Variants in PHKB observed in about 807,000 individuals in gnomAD.
PHKB encodes phosphorylase b kinase regulatory subunit beta.
PHKB carries 122 observed loss-of-function variants against 152.1 expected under a neutral mutation model. That is an observed-to-expected ratio of 0.80 (90% CI 0.69 to 0.93). PHKB has a LOEUF of 0.93. Ranked by LOEUF, PHKB falls within the 40% of genes least tolerant of loss-of-function variation. The pLI, the probability that PHKB is intolerant of heterozygous loss-of-function variation, is 0.00. For missense variants in PHKB, 1,304 were observed against 1,328.4 expected (o/e 0.98, Z 0.29); for synonymous variants, 436 against 464.9 (o/e 0.94, Z 0.80).
intron 8 of PHKB, among the ~76,000 whole-genome samples, chr16:47,587,276 A>G (rs892789335): frequency 6.6e-6 from 1 of 152,158 alleles, no homozygotes; most frequent in African/African-American, 2.4e-5. Flanking sequence ...GTTTAGTTTG[A>G]TCATATAGTC....
intron 3 of PHKB, among the ~76,000 whole-genome samples, chr16:47,501,937 T>C (rs970457232): frequency 3.3e-5 from 5 of 152,150 alleles, no homozygotes; most frequent in Admixed American, 1.3e-4. Flanking sequence ...AAGTACTGTA[T>C]AGAGCAAATT....
At chr16:47,554,246 C>T (rs1971325793) in intron 7 of PHKB, among the ~76,000 whole-genome samples, 2 of 152,174 alleles carry the variant, frequency 1.3e-5, no homozygotes, top group African/African-American at 2.4e-5. Flanking sequence ...GGCAGTCTGG[C>T]TACAGCAGCT....
At chr16:47,478,997 T>G (rs868038904) in intron 1 of PHKB, among the ~76,000 whole-genome samples, 2 of 152,342 alleles carry the variant, frequency 1.3e-5, no homozygotes, top group African/African-American at 4.8e-5. Flanking sequence ...GGTTTTATGC[T>G]TAACAAGCTC....
At chr16:47,581,368 C>G (rs1158629616) in intron 8 of PHKB, among the ~76,000 whole-genome samples, 1 of 152,190 alleles carries the variant, frequency 6.6e-6, no homozygotes, top group Non-Finnish European at 1.5e-5. Context: ...CACTCTGGAT[C>G]ACCCATTTTC....
intron 1 of PHKB, among the ~76,000 whole-genome samples, chr16:47,469,644 C>T (rs1003779458): frequency 6.6e-6 from 1 of 152,090 alleles, no homozygotes; most frequent in Non-Finnish European, 1.5e-5. Context: ...GAAAAACTAA[C>T]TGTTGGGTTC....
At chr16:47,508,504 T>C (rs894930364) in intron 4 of PHKB, among the ~76,000 whole-genome samples, 36 of 152,278 alleles carry the variant, frequency 2.4e-4, no homozygotes, top group African/African-American at 8.7e-4. Flanking sequence ...TAAAATTTAT[T>C]TTTCCAGGAT....
chr16:47,641,830 T>C (rs922976317), intron 16 of PHKB, 138 bp downstream of exon 16: 12 of 678,588 alleles, frequency 1.8e-5, no homozygotes, highest in African/African-American at 9.0e-5. Flanking sequence ...TCTAATTAAA[T>C]TGAGAAGTCC....
chr16:47,518,576 G>A lies in PHKB; in HGVS notation c.594+2975G>A, dbSNP rs146860626. 1.2e-3 allele frequency among the ~76,000 whole-genome samples: 186 copies of A among 152,162 alleles called. 3 individuals carry two copies. Among genetic ancestry groups the A allele is most frequent in the Middle Eastern group, 6.8e-3 (2 of 294 alleles). ...GTATGCTAATTTTCTAACATCTTTC[G>A]TTGCCTACACAGGCGTACCATGTTT... is the stretch of plus-strand genomic sequence containing the variant. On this transcript the variant is annotated intron_variant, in intron 6 of 30. Coordinates refer to ENST00000323584, the MANE Select transcript of PHKB (RefSeq NM_000293.3).
rs534552163 is a variant in PHKB, at chr16:47,487,723, G to C, written c.77-9676G>C. Among the ~76,000 whole-genome samples, 31 of 152,240 alleles carry C rather than the reference G, an allele frequency of 2.0e-4. 1 individual carries two copies. The South Asian group carries it at 6.4e-3, about 32-fold the overall frequency. On this transcript the variant is annotated intron_variant, in intron 1 of 30. Coordinates refer to ENST00000323584, the MANE Select transcript of PHKB (RefSeq NM_000293.3). ...TAGTTATCTGTCTTTGCATTAATTT[G>C]CTTAGAATAACAGCCTCCAGCTCCA...
At chr16:47,663,564 C>T (rs528018722) in intron 23 of PHKB, 113 bp from the exon 24 acceptor site, 16 of 794,246 alleles carry the variant, frequency 2.0e-5, no homozygotes, top group Non-Finnish European at 2.6e-5. Flanking sequence ...ATTAATGGAT[C>T]GATGTATCAA....
chr16:47,618,648 C>T (rs1242602328), intron 14 of PHKB, among the ~76,000 whole-genome samples: 2 of 152,250 alleles, frequency 1.3e-5, no homozygotes, highest in South Asian at 2.1e-4. Context: ...GTTGGACCAT[C>T]CTTTATTCTT....
chr16:47,604,537 T>A (rs1007231478), intron 13 of PHKB, among the ~76,000 whole-genome samples: 1 of 152,200 alleles, frequency 6.6e-6, no homozygotes, highest in African/African-American at 2.4e-5. Context: ...TACTAATATG[T>A]GTCACCACAG....
At chr16:47,626,200 TGCA>T (rs1168722055) in intron 14 of PHKB, among the ~76,000 whole-genome samples, 1 of 152,206 alleles carries the variant, frequency 6.6e-6, no homozygotes, top group Admixed American at 6.5e-5. Context: ...GTATCTCCTC[TGCA>T]GTTGGGTCCC....
At chr16:47,502,054 C>A (rs1354410660) in intron 3 of PHKB, among the ~76,000 whole-genome samples, 2 of 152,144 alleles carry the variant, frequency 1.3e-5, no homozygotes, top group Admixed American at 6.5e-5. Context: ...AAATAATAAT[C>A]ATTCTTCCCA....
chr16:47,496,391 C>T (rs1466992818), intron 1 of PHKB, among the ~76,000 whole-genome samples: 1 of 151,874 alleles, frequency 6.6e-6, no homozygotes, highest in African/African-American at 2.4e-5. Flanking sequence ...CTTCCCAAAA[C>T]CTTGGCTTTA....
chr16:47,592,451 A>G (rs1280359975), intron 10 of PHKB, among the ~76,000 whole-genome samples: 1 of 152,176 alleles, frequency 6.6e-6, no homozygotes, highest in Non-Finnish European at 1.5e-5. Flanking sequence ...ATTCTTTAAC[A>G]TACTTTGTGA....
chr16:47,492,323 C>G (rs1015319077), intron 1 of PHKB, among the ~76,000 whole-genome samples: 5 of 152,152 alleles, frequency 3.3e-5, no homozygotes, highest in Non-Finnish European at 4.4e-5. Flanking sequence ...TAAAACTCTA[C>G]TGAGAATATA....
chr16:47,642,193 C>T (rs1327570908), intron 16 of PHKB, among the ~76,000 whole-genome samples: 1 of 151,878 alleles, frequency 6.6e-6, no homozygotes. Flanking sequence ...TTTTGATATT[C>T]ACTACTTTCC....
In PHKB at chr16:47,689,264, G is replaced by C. The variant is rs918300741; in HGVS notation, c.2765+89G>C. ...CTTGATATATCTATGAAATTGATAA[G>C]ATATTAATAAGTAAAATTCAACAGA... On this transcript the variant is annotated intron_variant, in intron 27 of 30. Transcript: ENST00000323584. 3.0e-6 allele frequency: 4 copies of C among 1,324,366 alleles called. No individual in the cohort carries two copies. The African/African-American group carries it at 4.4e-5, about 15-fold the overall frequency. The allele number at this position is 1,324,366 out of a possible 1,614,324, so 82.0% of individuals were successfully genotyped here. A position where few individuals can be genotyped will look rare whatever the true frequency, so the allele number is the denominator to read the frequency against.
Sources: allele counts gnomAD v4.1 joint callset (sites outside exome capture counted in the v4.1 genomes callset), GRCh38; gene constraint gnomAD v4.1.1; transcripts MANE v1.5; gene names NCBI Gene and HGNC (gene_info 2026-07-23, HGNC 2026-07-21).